Variants in WNT7A observed in about 807,000 individuals in gnomAD.
WNT7A encodes protein Wnt-7a.
A neutral mutation model predicts 28.2 loss-of-function variants in WNT7A; 16 were observed. The ratio of observed to expected loss-of-function variants is 0.57; its 90% CI spans 0.38 to 0.86. The LOEUF is 0.86. WNT7A is among the 40% of genes least tolerant of loss of function. WNT7A has a pLI of 0.00. For synonymous variants in WNT7A, 190 were observed against 195.9 expected, an observed-to-expected ratio of 0.97 and a Z score of 0.25; for missense variants, 411 against 489.7, an observed-to-expected ratio of 0.84 and a Z score of 1.52.
intron 3 of WNT7A, among the ~76,000 whole-genome samples, chr3:13,840,352 C>G (rs1208385472): frequency 6.6e-6 from 1 of 152,178 alleles, no homozygotes; most frequent in Non-Finnish European, 1.5e-5. Context: ...GTCTCCCTTC[C>G]CCCGGAATGT....
intron 1 of WNT7A, chr3:13,876,900 C>T (rs534932237): frequency 1.3e-5 from 2 of 152,328 alleles, no homozygotes; most frequent in South Asian, 4.1e-4. Context: ...GTTTTGTTTA[C>T]TGGATATTCT....
chr3:13,858,580 C>G (rs1223555124), intron 2 of WNT7A, among the ~76,000 whole-genome samples: 1 of 152,174 alleles, frequency 6.6e-6, no homozygotes, highest in Non-Finnish European at 1.5e-5. Context: ...CCCCCCCGAG[C>G]TCCAGATGGA....
At chr3:13,857,092 C>T (rs1458146966) in intron 2 of WNT7A, among the ~76,000 whole-genome samples, 1 of 152,168 alleles carries the variant, frequency 6.6e-6, no homozygotes, top group Non-Finnish European at 1.5e-5. Context: ...GGCACAGGAA[C>T]AGGCTCGATT....
Position 13,819,251 on chromosome 3 carries a change from C to A in WNT7A, c.743G>T (p.Arg248Leu). 3.1e-6 allele frequency: 5 copies of A among 1,614,212 alleles called. No homozygotes were observed. The highest frequency in any genetic ancestry group is 4.2e-6 in the Non-Finnish European group (5 of 1,180,040). The change falls in exon 4 of 4, where the codon CGG (arginine) becomes CTG (leucine). Residue 248 changes from arginine to leucine, a missense_variant. Transcript: ENST00000285018. ...CTTCTTGATCTTCAGGAAGGTGGGCCGCTTGTTGCGGCTGGCACGCACAGG... is the reference window on the plus strand; with the variant it reads ...CTTCTTGATCTTCAGGAAGGTGGGCAGCTTGTTGCGGCTGGCACGCACAGG... ...VEPVRASRNK[R>L]PTFLKIKKPL...
At chr3:13,875,652 T>TA (rs569112172) in intron 1 of WNT7A, among the ~76,000 whole-genome samples, 3 of 152,128 alleles carry the variant, frequency 2.0e-5, no homozygotes, top group Admixed American at 1.3e-4. Flanking sequence ...AGATGTTCAT[T>TA]AAAAAAATCT....
intron 3 of WNT7A, among the ~76,000 whole-genome samples, chr3:13,845,351 AG>A (rs1285289852): frequency 6.6e-6 from 1 of 152,244 alleles, no homozygotes; most frequent in Non-Finnish European, 1.5e-5. Context: ...ATGGTCTAGT[AG>A]GAAGCCACGA....
chr3:13,818,046 C>T lies in WNT7A; in HGVS notation c.*898G>A, dbSNP rs1231077890. The T allele has an allele frequency of 6.6e-6, 1 of 152,166 alleles. No individual in the cohort carries two copies. Among genetic ancestry groups the T allele is most frequent in the African/African-American group, 2.4e-5 (1 of 41,438 alleles). The allele number at this position is 152,166 out of a possible 1,614,324, so 9.4% of individuals were successfully genotyped here. On this transcript the variant is annotated 3_prime_UTR_variant, in exon 4 of 4. Transcript: ENST00000285018. ...CACAACCAGGCATCGCCCCTCCTTA[C>T]CCCTAAGTGAGTACCAGAATTAAGA...
intron 3 of WNT7A, among the ~76,000 whole-genome samples, chr3:13,853,690 C>A (rs9878521): frequency 0.079 from 11,995 of 152,310 alleles, 980 homozygotes; most frequent in African/African-American, 0.2. Context: ...CCACAAGCCT[C>A]ATGCCCAGTG....
intron 3 of WNT7A, among the ~76,000 whole-genome samples, chr3:13,829,842 C>T (rs1694249685): frequency 6.6e-6 from 1 of 152,210 alleles, no homozygotes; most frequent in South Asian, 2.1e-4. Context: ...GACCATTTCC[C>T]CCAGAGGTCA....
At chr3:13,826,336 A>G (rs920895333) in intron 3 of WNT7A, among the ~76,000 whole-genome samples, 1 of 152,202 alleles carries the variant, frequency 6.6e-6, no homozygotes, top group African/African-American at 2.4e-5. Context: ...ACAGAGAAGG[A>G]AACTTGAACC....
chr3:13,868,636 G>A (rs181362588), intron 2 of WNT7A, among the ~76,000 whole-genome samples: 16,871 of 19,730 alleles, frequency 0.86, 7,705 homozygotes, highest in African/African-American at 0.89. Flanking sequence ...GAAAGAAAGA[G>A]AGAGGAGAAA....
At position 13,816,769 on chromosome 3, in the gene WNT7A, C is replaced by T. The variant is rs578155577; in HGVS notation, c.*2175G>A. The T allele has an allele frequency of 1.3e-5, 2 of 152,262 alleles. No homozygotes were observed. Among genetic ancestry groups the T allele is most frequent in the East Asian group, 3.9e-4 (2 of 5,166 alleles). 9.4% of individuals were successfully genotyped at this position (152,262 alleles called of 1,614,324 possible). On this transcript the variant is annotated 3_prime_UTR_variant, in exon 4 of 4. Coordinates refer to ENST00000285018, the MANE Select transcript of WNT7A (RefSeq NM_004625.4). ...TCAATCCATCCACCCATCTGTTTAT[C>T]CCTTCATCCATCCATCTACCCATCC...
Position 13,854,823 on chromosome 3 carries a change from G to GGA in WNT7A, c.299-22_299-21dup, listed in dbSNP as rs1296380450. The GGA allele has an allele frequency of 1.6e-5, 25 of 1,610,612 alleles. No homozygotes were observed. The highest frequency in any genetic ancestry group is 2.1e-5 in the Non-Finnish European group (25 of 1,180,034). On this transcript the variant is annotated intron_variant, in intron 2 of 3. Transcript: ENST00000285018. ...GGCTCCCTGCGAGGAGGAGAGAAGA[G>GGA]GAGACAAGTTGGGGTCAGGTCCCAA... is the stretch of plus-strand genomic sequence containing the variant.
chr3:13,848,879 G>A (rs534843498), intron 3 of WNT7A, among the ~76,000 whole-genome samples: 4 of 152,144 alleles, frequency 2.6e-5, no homozygotes, highest in African/African-American at 7.2e-5. Context: ...AAAACAAACT[G>A]TGGAGACTCT....
At chr3:13,858,572 C>A (rs1178638368) in intron 2 of WNT7A, among the ~76,000 whole-genome samples, 1 of 152,190 alleles carries the variant, frequency 6.6e-6, no homozygotes, top group Non-Finnish European at 1.5e-5. Flanking sequence ...ACATTTCACC[C>A]CCCCGAGCTC....
At chr3:13,846,094 A>ATG (rs769035312) in intron 3 of WNT7A, among the ~76,000 whole-genome samples, 17 of 152,172 alleles carry the variant, frequency 1.1e-4, no homozygotes, top group Non-Finnish European at 2.1e-4. Flanking sequence ...CCTGGCCCTG[A>ATG]TGTGTCCTCT....
At chr3:13,867,196 C>G (rs766734874) in intron 2 of WNT7A, among the ~76,000 whole-genome samples, 2 of 152,170 alleles carry the variant, frequency 1.3e-5, no homozygotes, top group African/African-American at 2.4e-5. Context: ...GTGGCTCCCC[C>G]ATTCTGCAGA....
intron 1 of WNT7A, 117 bp downstream of exon 1, chr3:13,879,629 G>C (rs1695176245): frequency 8.6e-7 from 1 of 1,160,440 alleles, no homozygotes; most frequent in Admixed American, 2.1e-5. Context: ...CACCCACCCG[G>C]CCTCTCAGAG....
Position 13,819,061 on chromosome 3 carries a change from A to C in WNT7A, c.933T>G (p.Arg311=). The stretch of plus-strand genomic sequence containing the variant: ...GGGCGTACTGGTGGGTGTTGTAGCC[A>C]CGCCCACAGCACATGAGGTCACAGC... ...ASGCDLMCCG[R]GYNTHQYARV... is the part of the protein sequence containing the mutation. Residue 311 remains arginine, a synonymous_variant, in exon 4 of 4, where the codon CGT becomes CGG. Coordinates refer to ENST00000285018, the MANE Select transcript of WNT7A (RefSeq NM_004625.4). 6.2e-7 allele frequency: 1 copy of C among 1,613,960 alleles called. No individual in the cohort carries two copies. Among genetic ancestry groups the C allele is most frequent in the Non-Finnish European group, 8.5e-7 (1 of 1,179,874 alleles).
Sources: allele counts gnomAD v4.1 joint callset (sites outside exome capture counted in the v4.1 genomes callset), GRCh38; gene constraint gnomAD v4.1.1; transcripts MANE v1.5; gene names NCBI Gene and HGNC (gene_info 2026-07-23, HGNC 2026-07-21).